Variants in CCDC180 observed in about 807,000 individuals in gnomAD.
CCDC180 encodes the protein coiled-coil domain containing 180, also known as coiled-coil domain-containing protein 180.
In CCDC180, 154 loss-of-function variants were observed where a neutral mutation model predicts 209.2. That is an observed-to-expected ratio of 0.74 (90% CI 0.65 to 0.84). CCDC180 has a LOEUF of 0.84. Ranked by LOEUF, CCDC180 falls within the 40% of genes least tolerant of loss-of-function variation. The probability of loss-of-function intolerance (pLI) is 0.00; values close to 1 mark genes in which losing one functional copy is unlikely to be tolerated. For synonymous variants in CCDC180, 778 were observed against 749.1 expected, an observed-to-expected ratio of 1.04 and a Z score of -0.63; for missense variants, 1,874 against 1,997.3, an observed-to-expected ratio of 0.94 and a Z score of 1.18.
At position 97,330,667 on chromosome 9, in the gene CCDC180, A is replaced by G. The variant is rs527617391; in HGVS notation, c.2174A>G (p.Glu725Gly). Residue 725 changes from glutamate (E) to glycine (G), a missense_variant, in exon 18 of 37, where the codon GAG (glutamate) becomes GGG (glycine). Transcript: ENST00000529487. ...GGAGAAAAGAAGGAGGAGTCAGAGG[A>G]GGAAGATGAGAAGGAGGAAGAGGAG... ...GQGEKKEESE[E>G]EDEKEEEEEE... 1 of 1,593,606 alleles carries G rather than the reference A, an allele frequency of 6.3e-7. No individual in the cohort carries two copies. The highest frequency in any genetic ancestry group is 1.1e-5 in the South Asian group (1 of 90,114).
chr9:97,357,810 A>G lies in CCDC180; in HGVS notation c.3363+85A>G, dbSNP rs542244768. Reference sequence around the variant, plus strand: ...ATGTGAAATAAATTTACCTGTGTGTATAGGATTTCTCCAGCACAAGGTTGG... The same window carrying G: ...ATGTGAAATAAATTTACCTGTGTGTGTAGGATTTCTCCAGCACAAGGTTGG... On this transcript the variant is annotated intron_variant, in intron 25 of 36. Coordinates refer to ENST00000529487, the MANE Select transcript of CCDC180 (RefSeq NM_020893.6). The G allele has an allele frequency of 5.3e-6, 6 of 1,139,566 alleles. No homozygotes were observed. The Admixed American group carries it at 1.2e-4, about 24-fold the overall frequency. 70.6% of individuals were successfully genotyped at this position (1,139,566 alleles called of 1,614,324 possible).
Position 97,343,569 on chromosome 9 carries a change from TA to T in CCDC180, c.2498+12del, listed in dbSNP as rs1448232263. 1.9e-6 allele frequency: 3 copies of T among 1,578,006 alleles called. No individual in the cohort carries two copies. The highest frequency in any genetic ancestry group is 2.6e-6 in the Non-Finnish European group (3 of 1,148,612). On this transcript the variant is annotated splice_region_variant and intron_variant, in intron 19 of 36. Transcript: ENST00000529487. ...ATTTTAGAAATTAAGAAACAGTGAGTAAAAAACTATTTTATTCTCATCCTGT... is the reference window on the plus strand; with the variant it reads ...ATTTTAGAAATTAAGAAACAGTGAGTAAAAACTATTTTATTCTCATCCTGT...
At chr9:97,364,431 C>G in intron 29 of CCDC180, 1 of 337,720 alleles carries the variant, frequency 3.0e-6, no homozygotes, top group Non-Finnish European at 5.4e-6. Context: ...TGCTTTCCCC[C>G]ATTTCTCTTT....
At position 97,328,144 on chromosome 9, in the gene CCDC180, C is replaced by T. The variant is rs750974020; in HGVS notation, c.1786C>T (p.Gln596Ter). 31 of 1,613,546 alleles carry T rather than the reference C, an allele frequency of 1.9e-5. No individual in the cohort carries two copies. The highest frequency in any genetic ancestry group is 2.5e-5 in the Non-Finnish European group (29 of 1,179,724). Residue 596 changes from glutamine (Q) to a stop codon, truncating the protein, a stop_gained and splice_region_variant, in exon 16 of 37, where the codon CAG (glutamine) becomes TAG (stop). Transcript: ENST00000529487. LOFTEE classifies it high-confidence loss of function. Reference sequence around the variant, plus strand: ...CTTCTTTGTGCGTGAAATCTTTGAACAGGTATGGAGAGGGTGATGATACAC... The same window carrying T: ...CTTCTTTGTGCGTGAAATCTTTGAATAGGTATGGAGAGGGTGATGATACAC... ...QYFFVREIFE[Q>*]NLAGEVIFKF... is the part of the protein sequence containing the mutation.
rs1833434074 is a variant in CCDC180, at chr9:97,323,761, C to T, written c.1249-20C>T. On this transcript the variant is annotated intron_variant, in intron 12 of 36. Transcript: ENST00000529487. ...GACCTCAGTCCTAAGCCAGGCTCTG[C>T]CTTGTCCCACACACTCCAGAAGCAG... 4 of 1,552,654 alleles carry T rather than the reference C, an allele frequency of 2.6e-6. No individual in the cohort carries two copies. The highest frequency in any genetic ancestry group is 2.6e-6 in the Non-Finnish European group (3 of 1,147,214).
At position 97,370,038 on chromosome 9, in the gene CCDC180, C is replaced by T. The variant is rs202226425; in HGVS notation, c.4306C>T (p.Arg1436Ter). 8.7e-6 allele frequency: 14 copies of T among 1,614,116 alleles called. No individual in the cohort carries two copies. In the East Asian group the frequency reaches 1.8e-4, roughly 21 times the overall value. Residue 1436 changes from arginine (R) to a stop codon, truncating the protein, a stop_gained, in exon 32 of 37, where the codon CGA (arginine) becomes TGA (stop). Coordinates refer to ENST00000529487, the MANE Select transcript of CCDC180 (RefSeq NM_020893.6). LOFTEE classifies it high-confidence loss of function. ...GTTTTTCACCTCTGTGAAGGAGATCCGAGGACAGTTCGAGGAACAGCAGAA... is the reference window on the plus strand; with the variant it reads ...GTTTTTCACCTCTGTGAAGGAGATCTGAGGACAGTTCGAGGAACAGCAGAA... Reference protein sequence around the residue: ...KKFFTSVKEIRGQFEEQQKRL... With the variant: ...KKFFTSVKEI
intron 14 of CCDC180, among the ~76,000 whole-genome samples, chr9:97,326,074 A>G (rs1273537442): frequency 6.6e-6 from 1 of 152,162 alleles, no homozygotes; most frequent in Non-Finnish European, 1.5e-5. Flanking sequence ...TCATGTAGCA[A>G]ATTGTGCACG....
At chr9:97,364,251 G>C (rs1417285856) in intron 29 of CCDC180, 123 bp downstream of exon 29, 13 of 831,814 alleles carry the variant, frequency 1.6e-5, no homozygotes, top group Non-Finnish European at 2.5e-5. Flanking sequence ...CAGAGGAGGG[G>C]TGAGAGGAGA....
rs564816381 is a variant in CCDC180, at chr9:97,322,861, G to A, written c.1188G>A (p.Arg396=). Residue 396 remains arginine (R), a synonymous_variant, in exon 12 of 37, where the codon CGG becomes CGA. Transcript: ENST00000529487. Reference sequence around the variant, plus strand: ...CCTACCACGTGGACTGCATGATGCGGATCCGCCTGCTGTATGAGAAGACAT... The same window carrying A: ...CCTACCACGTGGACTGCATGATGCGAATCCGCCTGCTGTATGAGAAGACAT... ...LDTYHVDCMM[R]IRLLYEKTWQ... 5.2e-5 allele frequency: 84 copies of A among 1,614,058 alleles called. 1 individual carries two copies. Among genetic ancestry groups the A allele is most frequent in the Admixed American group, 4.3e-4 (26 of 60,026 alleles).
intron 26 of CCDC180, among the ~76,000 whole-genome samples, chr9:97,360,720 C>T (rs1384410763): frequency 7.2e-5 from 11 of 152,120 alleles, no homozygotes; most frequent in African/African-American, 2.4e-4. Flanking sequence ...TGGTCTGGGT[C>T]GGGGTCTCCC....
chr9:97,348,852 ACT>A (rs1826346021), intron 20 of CCDC180, among the ~76,000 whole-genome samples: 1 of 151,734 alleles, frequency 6.6e-6, no homozygotes. Flanking sequence ...TGCTTCCCAG[ACT>A]CTCCATCTTC....
chr9:97,370,104 C>G lies in CCDC180; in HGVS notation c.4350+22C>G, dbSNP rs200451255. ...AAAGGTGAGGGCCCCAGGACCAGCCCTTCCACTCTAGGACCAGGGGAACTG... is the reference window on the plus strand; with the variant it reads ...AAAGGTGAGGGCCCCAGGACCAGCCGTTCCACTCTAGGACCAGGGGAACTG... On this transcript the variant is annotated intron_variant, in intron 32 of 36. Transcript: ENST00000529487. 9.3e-6 allele frequency: 15 copies of G among 1,610,246 alleles called. No individual in the cohort carries two copies. The Admixed American group carries it at 1.8e-4, about 20-fold the overall frequency.
intron 2 of CCDC180, among the ~76,000 whole-genome samples, chr9:97,308,636 C>T (rs1490515212): frequency 6.6e-6 from 1 of 152,194 alleles, no homozygotes; most frequent in African/African-American, 2.4e-5. Flanking sequence ...TTGAAATTGC[C>T]TTGTTCTCTC....
intron 5 of CCDC180, 45 bp downstream of exon 5, chr9:97,313,390 C>A: frequency 1.4e-6 from 2 of 1,416,318 alleles, no homozygotes; most frequent in Non-Finnish European, 2.0e-6. Flanking sequence ...TGTGCCATTC[C>A]AAAGGTGGGT....
intron 32 of CCDC180, 60 bp downstream of exon 32, chr9:97,370,142 T>C: frequency 1.3e-6 from 2 of 1,558,570 alleles, no homozygotes; most frequent in Non-Finnish European, 1.7e-6. Flanking sequence ...AGTTCAGAAA[T>C]GGTGGCAGGT....
At position 97,366,124 on chromosome 9, in the gene CCDC180, C is replaced by T. The variant is rs978318934; in HGVS notation, c.4047+385C>T. ...CTGCCCAGTGCCCTGTTCCCACATGCCCTGCACCGTAGTGCGAGTGCCTTC... is the reference window on the plus strand; with the variant it reads ...CTGCCCAGTGCCCTGTTCCCACATGTCCTGCACCGTAGTGCGAGTGCCTTC... On this transcript the variant is annotated intron_variant, in intron 30 of 36. Coordinates refer to ENST00000529487, the MANE Select transcript of CCDC180 (RefSeq NM_020893.6). This position sits in a 1 kb window ranked among gnomAD's most constrained non-coding sequence, Gnocchi z 4.3. Among the ~76,000 whole-genome samples, 4 of 152,192 alleles carry T rather than the reference C, an allele frequency of 2.6e-5. No individual in the cohort carries two copies. In the East Asian group the frequency reaches 7.7e-4, roughly 29 times the overall value.
chr9:97,336,318 C>T (rs1825902501), intron 18 of CCDC180, among the ~76,000 whole-genome samples: 1 of 152,072 alleles, frequency 6.6e-6, no homozygotes, highest in South Asian at 2.1e-4. Context: ...AGTCTTTAAT[C>T]CATCTTGAAT....
At chr9:97,345,104 G>A (rs1826209991) in intron 19 of CCDC180, among the ~76,000 whole-genome samples, 1 of 152,146 alleles carries the variant, frequency 6.6e-6, no homozygotes, top group Non-Finnish European at 1.5e-5. Flanking sequence ...CCATTTTACT[G>A]ATACACATTT....
intron 21 of CCDC180, among the ~76,000 whole-genome samples, chr9:97,349,529 C>T (rs1347949188): frequency 6.6e-6 from 1 of 152,210 alleles, no homozygotes; most frequent in Non-Finnish European, 1.5e-5. Context: ...TGCAAGGGTG[C>T]ACACCATGTG....
Sources: gnomAD v4.1 joint callset for allele counts (sites outside exome capture counted in the v4.1 genomes callset) on GRCh38, gnomAD v4.1.1 for gene constraint, Gnocchi (gnomAD v3.1) non-coding constraint, MANE v1.5 for transcripts, NCBI Gene and HGNC (gene_info 2026-07-23, HGNC 2026-07-21) for gene names.